BOD1: variants seen among roughly 807,000 people sequenced by gnomAD.
BOD1 encodes biorientation of chromosomes in cell division 1, also known as biorientation of chromosomes in cell division protein 1.
In BOD1, 11 loss-of-function variants were observed where a neutral mutation model predicts 15.7. The ratio of observed to expected loss-of-function variants is 0.70; its 90% CI spans 0.44 to 1.16. The LOEUF is 1.16. BOD1 is among the 50% of genes most tolerant of loss of function. The pLI is 0.00. For missense variants in BOD1, 182 were observed against 244.5 expected (o/e 0.74, Z 1.70); for synonymous variants, 105 against 103.5 (o/e 1.01, Z -0.09).
chr5:173,610,655 C>A (rs1306306962), intron 2 of BOD1, among the ~76,000 whole-genome samples: 1 of 152,188 alleles, frequency 6.6e-6, no homozygotes, highest in Non-Finnish European at 1.5e-5. Flanking sequence ...CAGTCACAAG[C>A]CAATACCTTT....
At chr5:173,612,995 G>C (rs547326850) in intron 2 of BOD1, 136 bp downstream of exon 2, 3 of 1,171,884 alleles carry the variant, frequency 2.6e-6, no homozygotes, top group Non-Finnish European at 3.6e-6. Flanking sequence ...TATAACAAAA[G>C]AGCAGACTGC....
intron 1 of BOD1, among the ~76,000 whole-genome samples, chr5:173,614,401 T>C (rs1755437803): frequency 6.6e-6 from 1 of 152,206 alleles, no homozygotes; most frequent in Non-Finnish European, 1.5e-5. Context: ...TCATCTCAGT[T>C]CAAGAAGTCA....
At chr5:173,609,592 G>A (rs1460288711) in intron 2 of BOD1, 158 bp from the exon 3 acceptor site, 12 of 662,812 alleles carry the variant, frequency 1.8e-5, no homozygotes, top group Middle Eastern at 2.5e-4. Context: ...TACAGCTCAC[G>A]CTATTTTCAC....
rs116394588 is a variant in BOD1 at position 173,609,033 on chromosome 5, C to T, written c.*1+205G>A. On this transcript the variant is annotated intron_variant, in intron 3 of 3. Transcript: ENST00000311086. ...CTATCCATAGCTTACATGTTTAGCGCTGGTGGAACAGAAAATCAGTCACTG... is the reference window on the plus strand; with the variant it reads ...CTATCCATAGCTTACATGTTTAGCGTTGGTGGAACAGAAAATCAGTCACTG... 1.1e-3 allele frequency among the ~76,000 whole-genome samples: 172 copies of T among 152,330 alleles called. 1 individual carries two copies. The highest frequency in any genetic ancestry group is 4.0e-3 in the African/African-American group (167 of 41,574).
intron 1 of BOD1, 108 bp from the exon 2 acceptor site, chr5:173,613,363 C>T (rs938809675): frequency 1.5e-6 from 2 of 1,312,470 alleles, no homozygotes; most frequent in Non-Finnish European, 2.2e-6. Flanking sequence ...AGTCTAAATA[C>T]ACTTCCACTG....
chr5:173,616,396 C>G lies in BOD1; in HGVS notation c.41G>C (p.Gly14Ala). The stretch of plus-strand genomic sequence containing the variant: ...AGAGGCCTGGCTAGTTCCGCCGCCG[C>G]CCACCGCGCCAGTTCCCCCGCCGCC... ...GGGGGGTGAVGGGGTSQASAG... is the reference protein window; with the variant it reads ...GGGGGGTGAVAGGGTSQASAG... Residue 14 changes from glycine to alanine, a missense_variant, in exon 1 of 4, where the codon GGC (glycine) becomes GCC (alanine). Around this residue, in one of 3 missense-constraint regions of BOD1, gnomAD observed 72 missense variants for 68.9 expected, o/e 1.05. Transcript: ENST00000311086. The G allele has an allele frequency of 5.2e-6, 8 of 1,525,288 alleles. No homozygotes were observed. Among genetic ancestry groups the G allele is most frequent in the Non-Finnish European group, 7.0e-6 (8 of 1,145,718 alleles). The allele number at this position is 1,525,288 out of a possible 1,614,324, so 94.5% of individuals were successfully genotyped here.
At chr5:173,608,398 G>C in intron 3 of BOD1, 106 bp from the exon 4 acceptor site, 2 of 909,122 alleles carry the variant, frequency 2.2e-6, no homozygotes, top group East Asian at 5.0e-5. Context: ...GACTTAAAAT[G>C]AATGTTTTAC....
At chr5:173,612,999 A>C in intron 2 of BOD1, 132 bp downstream of exon 2, 1 of 1,185,128 alleles carries the variant, frequency 8.4e-7, no homozygotes, top group South Asian at 1.5e-5. Context: ...ACAAAAGAGC[A>C]GACTGCTGCA....
chr5:173,613,141 T>A lies in BOD1; in HGVS notation c.352A>T (p.Ser118Cys), dbSNP rs961181321. 4 of 1,613,924 alleles carry A rather than the reference T, an allele frequency of 2.5e-6. No homozygotes were observed. The Admixed American group carries it at 5.0e-5, about 20-fold the overall frequency. The change falls in exon 2 of 4, where the codon AGT (serine) becomes TGT (cysteine). Residue 118 changes from serine (S) to cysteine (C), a missense_variant. By Grantham distance (112) the Ser-to-Cys change is moderately radical. Coordinates refer to ENST00000311086, the MANE Select transcript of BOD1 (RefSeq NM_138369.3). ...ATTCTGCTTACTTACTGAACCACAC[T>A]CTGCCTCAGACCATTTCGCAACTGG... ...KNQLRNGLRQ[S>C]VVQSGMLEAG...
At position 173,608,050 on chromosome 5, in the gene BOD1, T is replaced by C. The variant is rs569459090; in HGVS notation, c.*244A>G. On this transcript the variant is annotated 3_prime_UTR_variant, in exon 4 of 4. Coordinates refer to ENST00000311086, the MANE Select transcript of BOD1 (RefSeq NM_138369.3). Reference sequence around the variant, plus strand: ...TGCTGTAGTGTTTCTCTCTCTGTAGTGTCTACTTGGTGTCATGCCCTTGGA... The same window carrying C: ...TGCTGTAGTGTTTCTCTCTCTGTAGCGTCTACTTGGTGTCATGCCCTTGGA... 1.4e-3 allele frequency: 803 copies of C among 575,688 alleles called. 5 individuals are homozygous for C. The highest frequency in any genetic ancestry group is 2.4e-3 in the South Asian group (110 of 46,128). The allele number at this position is 575,688 out of a possible 1,614,324, so 35.7% of individuals were successfully genotyped here.
At chr5:173,611,534 A>G (rs555426383) in intron 2 of BOD1, among the ~76,000 whole-genome samples, 6,948 of 150,568 alleles carry the variant, frequency 0.046, 189 homozygotes, top group Middle Eastern at 0.12. Flanking sequence ...AAAGCAGGGA[A>G]AAAAAAAAAA....
At chr5:173,613,097 G>T in intron 2 of BOD1, 34 bp downstream of exon 2, 1 of 1,494,836 alleles carries the variant, frequency 6.7e-7, no homozygotes, top group Non-Finnish European at 9.0e-7. Flanking sequence ...TGTGATGACT[G>T]CCTTTTCAAA....
chr5:173,615,533 T>C (rs1755471731), intron 1 of BOD1, among the ~76,000 whole-genome samples: 1 of 152,216 alleles, frequency 6.6e-6, no homozygotes, highest in African/African-American at 2.4e-5. Flanking sequence ...TTCCAGCAAC[T>C]ACTGTATGTC....
chr5:173,608,811 C>T (rs1275696642), intron 3 of BOD1, among the ~76,000 whole-genome samples: 2 of 152,174 alleles, frequency 1.3e-5, no homozygotes, highest in African/African-American at 2.4e-5. Flanking sequence ...TCATGGAAAT[C>T]GAGTCGCACT....
chr5:173,610,329 G>A (rs1755316103), intron 2 of BOD1, among the ~76,000 whole-genome samples: 1 of 152,242 alleles, frequency 6.6e-6, no homozygotes, highest in Non-Finnish European at 1.5e-5. Context: ...AGGCTGGGCA[G>A]CAAGTGGGCA....
intron 1 of BOD1, 124 bp downstream of exon 1, chr5:173,616,075 TA>T: frequency 8.0e-7 from 1 of 1,252,050 alleles, no homozygotes; most frequent in Non-Finnish European, 1.1e-6. Context: ...CCAAGCGGTG[TA>T]AGACCTCACC....
intron 2 of BOD1, among the ~76,000 whole-genome samples, chr5:173,610,049 A>G (rs1755307750): frequency 6.6e-6 from 1 of 152,250 alleles, no homozygotes; most frequent in African/African-American, 2.4e-5. Context: ...TAGAGGGCTA[A>G]ATTACATCCC....
At chr5:173,614,758 T>C (rs1318623176) in intron 1 of BOD1, 1 of 152,160 alleles carries the variant, frequency 6.6e-6, no homozygotes, top group African/African-American at 2.4e-5. Context: ...TTCCAACCAC[T>C]CTCCCTCACC....
chr5:173,613,288 A>C, intron 1 of BOD1, 33 bp from the exon 2 acceptor site: 1 of 1,611,584 alleles, frequency 6.2e-7, no homozygotes, highest in Non-Finnish European at 8.5e-7. Flanking sequence ...CAAGGTCAGA[A>C]GTTATATGCA....
Sources: gnomAD v4.1 joint callset for allele counts (sites outside exome capture counted in the v4.1 genomes callset) on GRCh38, gnomAD v4.1.1 for gene constraint, gnomAD v4.1.1 regional missense constraint, MANE v1.5 for transcripts, NCBI Gene and HGNC (gene_info 2026-07-23, HGNC 2026-07-21) for gene names.